Variants in EPHA3 observed in about 807,000 individuals in gnomAD.
The protein encoded by EPHA3 is EPH receptor A3, also known as ephrin type-A receptor 3.
A neutral mutation model predicts 107.1 loss-of-function variants in EPHA3; 42 were observed. The ratio of observed to expected loss-of-function variants is 0.39; its 90% CI spans 0.31 to 0.51. The LOEUF (loss-of-function observed/expected upper bound fraction) is 0.51, where lower values mean the gene tolerates loss of function less well. Among genes scored for constraint, EPHA3 ranks in the 20% least tolerant of loss-of-function variants. EPHA3 has a pLI of 0.78. For synonymous variants in EPHA3, 461 were observed against 424.8 expected (o/e 1.09, Z -1.05); for missense variants, 1,183 against 1,211.2 (o/e 0.98, Z 0.35).
intron 11 of EPHA3, among the ~76,000 whole-genome samples, chr3:89,428,212 G>C (rs1709495575): frequency 6.6e-6 from 1 of 151,892 alleles, no homozygotes; most frequent in Non-Finnish European, 1.5e-5. Context: ...TTCCGAAAGT[G>C]ACAGCATAGT....
At chr3:89,319,724 T>A (rs1350307311) in intron 3 of EPHA3, among the ~76,000 whole-genome samples, 1 of 151,958 alleles carries the variant, frequency 6.6e-6, no homozygotes, top group East Asian at 1.9e-4. Flanking sequence ...TCAGATGACC[T>A]AAACTGATGC....
At chr3:89,124,473 TA>T (rs1169249426) in intron 1 of EPHA3, among the ~76,000 whole-genome samples, 1 of 152,120 alleles carries the variant, frequency 6.6e-6, no homozygotes, top group Non-Finnish European at 1.5e-5. Context: ...GTGTTATTTT[TA>T]TTTGGGTACA....
At chr3:89,286,523 G>C (rs558386341) in intron 3 of EPHA3, among the ~76,000 whole-genome samples, 48 of 152,226 alleles carry the variant, frequency 3.2e-4, no homozygotes, top group African/African-American at 1.1e-3. Context: ...TGGCAGCAGT[G>C]AAAGTGATGA....
chr3:89,197,448 AT>A (rs1237446636), intron 2 of EPHA3, among the ~76,000 whole-genome samples: 122 of 60,672 alleles, frequency 2.0e-3, no homozygotes, highest in African/African-American at 5.2e-3. Context: ...AAATAAAAAC[AT>A]AAAAAAACTT....
chr3:89,252,553 G>T (rs1439669476), intron 3 of EPHA3, among the ~76,000 whole-genome samples: 4 of 152,036 alleles, frequency 2.6e-5, no homozygotes, highest in African/African-American at 9.7e-5. Flanking sequence ...AACACAGGGA[G>T]ATTCCATCTC....
At chr3:89,300,829 G>C (rs754814919) in intron 3 of EPHA3, among the ~76,000 whole-genome samples, 1 of 151,992 alleles carries the variant, frequency 6.6e-6, no homozygotes, top group East Asian at 1.9e-4. Context: ...TAAAATGCAC[G>C]CCTGTTTCTC....
Position 89,244,135 on chromosome 3 carries a change from A to T in EPHA3, c.814+33615A>T, listed in dbSNP as rs569861892. On this transcript the variant is annotated intron_variant, in intron 3 of 16. Transcript: ENST00000336596. ...TGTAATACTAATTTTATGTGACATT[A>T]TTGATACACAAACTGTAATTCTGAA... Among the ~76,000 whole-genome samples, 3 of 152,224 alleles carry T rather than the reference A, an allele frequency of 2.0e-5. No homozygotes were observed. In the South Asian group the frequency reaches 6.2e-4, roughly 32 times the overall value.
rs540732873 is a variant in EPHA3 at position 89,452,250 on chromosome 3, A to T, written c.2690+1880A>T. Among the ~76,000 whole-genome samples the T allele has an allele frequency of 5.3e-5, 8 of 152,088 alleles. No individual in the cohort carries two copies. The South Asian group carries it at 1.7e-3, about 32-fold the overall frequency. ...AGTGGGATTGCTGGATCATATGGTGATTCTATTTTTAGTTTTTTGTGGAAC... is the reference window on the plus strand; with the variant it reads ...AGTGGGATTGCTGGATCATATGGTGTTTCTATTTTTAGTTTTTTGTGGAAC... On this transcript the variant is annotated intron_variant, in intron 15 of 16. Coordinates refer to ENST00000336596, the MANE Select transcript of EPHA3 (RefSeq NM_005233.6).
intron 5 of EPHA3, among the ~76,000 whole-genome samples, chr3:89,371,152 A>T (rs1208180845): frequency 6.6e-6 from 1 of 151,696 alleles, no homozygotes; most frequent in East Asian, 1.9e-4. Context: ...TATATTAGTT[A>T]TTCATATATT....
intron 5 of EPHA3, among the ~76,000 whole-genome samples, chr3:89,356,270 T>G (rs1442135918): frequency 4.0e-5 from 6 of 150,970 alleles, no homozygotes; most frequent in East Asian, 1.9e-4. Context: ...TCTTTGCTAT[T>G]GTGAATAGTG....
At chr3:89,429,782 G>T (rs1383961861) in intron 12 of EPHA3, among the ~76,000 whole-genome samples, 3 of 140,506 alleles carry the variant, frequency 2.1e-5, no homozygotes, top group South Asian at 2.1e-4. Flanking sequence ...CCCAGGCAAT[G>T]GTGCAATGGT....
chr3:89,416,456 T>A (rs1709249625), intron 10 of EPHA3, among the ~76,000 whole-genome samples: 1 of 151,534 alleles, frequency 6.6e-6, no homozygotes, highest in South Asian at 2.1e-4. Flanking sequence ...CTTTTATTTT[T>A]TATTTTTAAT....
chr3:89,249,485 G>A (rs1705111656), intron 3 of EPHA3, among the ~76,000 whole-genome samples: 1 of 152,020 alleles, frequency 6.6e-6, no homozygotes, highest in Non-Finnish European at 1.5e-5. Flanking sequence ...TTTTGAGACA[G>A]GGTCTGGCTC....
intron 1 of EPHA3, among the ~76,000 whole-genome samples, chr3:89,119,883 C>T (rs1466883766): frequency 6.6e-6 from 1 of 152,026 alleles, no homozygotes; most frequent in Non-Finnish European, 1.5e-5. Flanking sequence ...TCTTTATATC[C>T]AACGGACTTC....
At chr3:89,215,029 C>A (rs951255175) in intron 3 of EPHA3, among the ~76,000 whole-genome samples, 1 of 151,788 alleles carries the variant, frequency 6.6e-6, no homozygotes, top group South Asian at 2.1e-4. Flanking sequence ...ATAAATAATG[C>A]CCTTGCCTTG....
chr3:89,297,248 T>A (rs535320338), intron 3 of EPHA3, among the ~76,000 whole-genome samples: 1 of 152,298 alleles, frequency 6.6e-6, no homozygotes, highest in East Asian at 1.9e-4. Context: ...TTAGCTTCTG[T>A]GGGCTTTTAC....
intron 12 of EPHA3, among the ~76,000 whole-genome samples, 177 bp downstream of exon 12, chr3:89,429,344 A>G (rs1017513987): frequency 6.6e-6 from 1 of 152,162 alleles, no homozygotes; most frequent in Non-Finnish European, 1.5e-5. Context: ...CAGCATTCAA[A>G]TGTTAATGGT....
intron 13 of EPHA3, among the ~76,000 whole-genome samples, chr3:89,434,562 G>A (rs1709630957): frequency 6.6e-6 from 1 of 152,052 alleles, no homozygotes; most frequent in Non-Finnish European, 1.5e-5. Context: ...CCCATAAGTA[G>A]GCTTGATTGC....
intron 2 of EPHA3, among the ~76,000 whole-genome samples, chr3:89,205,503 G>A (rs1490873976): frequency 6.6e-6 from 1 of 152,084 alleles, no homozygotes; most frequent in African/African-American, 2.4e-5. Flanking sequence ...AGAAAGTTTG[G>A]ATGCATAGGT....
Sources: gnomAD v4.1 joint callset for allele counts (sites outside exome capture counted in the v4.1 genomes callset) on GRCh38, gnomAD v4.1.1 for gene constraint, MANE v1.5 for transcripts, NCBI Gene and HGNC (gene_info 2026-07-23, HGNC 2026-07-21) for gene names.